MYLK: variants seen among roughly 807,000 people sequenced by gnomAD.
MYLK encodes myosin light chain kinase, smooth muscle.
In MYLK, 106 loss-of-function variants were observed where a neutral mutation model predicts 203.4. That is an observed-to-expected ratio of 0.52 (90% confidence interval 0.45 to 0.61). MYLK has a LOEUF of 0.61. Ranked by LOEUF, MYLK falls within the 20% of genes least tolerant of loss-of-function variation. The pLI, the probability that MYLK is intolerant of heterozygous loss-of-function variation, is 0.00. For synonymous variants in MYLK, 867 were observed against 959.5 expected, an observed-to-expected ratio of 0.90 and a Z score of 1.78; for missense variants, 2,072 against 2,442.3, an observed-to-expected ratio of 0.85 and a Z score of 3.20.
At position 123,640,938 on chromosome 3, in the gene MYLK, T is replaced by G. The variant is rs2058812391; in HGVS notation, c.4620-434A>C. Among the ~76,000 whole-genome samples the G allele has an allele frequency of 6.6e-6, 1 of 152,214 alleles. No homozygotes were observed. The highest frequency in any genetic ancestry group is 2.4e-5 in the African/African-American group (1 of 41,454). ...AAATACTCACAGTTCCCACAAGCAT[T>G]TGTTCTGCATAGCCAGGAACGGAAA... On this transcript the variant is annotated intron_variant, in intron 27 of 33. Coordinates refer to ENST00000360304, the MANE Select transcript of MYLK (RefSeq NM_053025.4). The surrounding 1 kb of genome is among the most constrained non-coding windows in gnomAD (Gnocchi z 4.3).
chr3:123,700,691 C>G lies in MYLK; in HGVS notation c.2777G>C (p.Arg926Pro). The G allele has an allele frequency of 1.9e-6, 3 of 1,614,154 alleles. No individual in the cohort carries two copies. The highest frequency in any genetic ancestry group is 1.7e-6 in the Non-Finnish European group (2 of 1,180,042). Residue 926 changes from arginine to proline, a missense_variant, in exon 18 of 34, where the codon CGT becomes CCT. This residue lies in a region of MYLK where 865 missense variants were observed against 1,016.0 expected (regional missense o/e 0.85). Coordinates refer to ENST00000360304, the MANE Select transcript of MYLK (RefSeq NM_053025.4). ...CTTCACTTGCCGCTGCAGGTTGGCA[C>G]GGAAATCCATCTGCTCGGCTGGGAT... Reference protein sequence around the residue: ...KEIPAEQMDFRANLQRQVKPK... With the variant: ...KEIPAEQMDFPANLQRQVKPK...
At chr3:123,731,935 A>G (rs1452080440) in intron 11 of MYLK, among the ~76,000 whole-genome samples, 2 of 151,164 alleles carry the variant, frequency 1.3e-5, no homozygotes, top group African/African-American at 4.9e-5. Context: ...ATCAAAAATT[A>G]TTGTAATTGT....
intron 2 of MYLK, among the ~76,000 whole-genome samples, chr3:123,833,762 A>G (rs2066405941): frequency 1.3e-5 from 2 of 152,156 alleles, no homozygotes. Context: ...TTCTAAGCTA[A>G]TTTTTCAACC....
chr3:123,684,188 C>T (rs886276394), intron 19 of MYLK, among the ~76,000 whole-genome samples: 6 of 152,182 alleles, frequency 3.9e-5, no homozygotes, highest in African/African-American at 7.2e-5. Flanking sequence ...GTTAGAAGCA[C>T]GTGTGCCAGG....
chr3:123,841,831 C>G (rs1254213319), intron 2 of MYLK, among the ~76,000 whole-genome samples: 1 of 152,096 alleles, frequency 6.6e-6, no homozygotes, highest in Non-Finnish European at 1.5e-5. Context: ...ACCCAAGGAG[C>G]TAATCAGAAA....
intron 3 of MYLK, among the ~76,000 whole-genome samples, chr3:123,813,806 C>T (rs1577050236): frequency 1.3e-5 from 2 of 152,098 alleles, no homozygotes; most frequent in Admixed American, 6.6e-5. Flanking sequence ...CCACCATGCC[C>T]GGACAATTCA....
intron 4 of MYLK, among the ~76,000 whole-genome samples, chr3:123,767,563 C>T (rs1483194375): frequency 4.6e-5 from 7 of 152,160 alleles, no homozygotes; most frequent in South Asian, 4.1e-4. Flanking sequence ...GCCAAGATTG[C>T]GCCACTGCAC....
chr3:123,817,389 C>G (rs2065784370), intron 3 of MYLK, among the ~76,000 whole-genome samples: 1 of 152,162 alleles, frequency 6.6e-6, no homozygotes, highest in Non-Finnish European at 1.5e-5. Flanking sequence ...CAGTTGCCAC[C>G]ACTCCTGTTT....
chr3:123,847,026 C>G (rs2030099384), intron 2 of MYLK, among the ~76,000 whole-genome samples: 1 of 151,806 alleles, frequency 6.6e-6, no homozygotes, highest in South Asian at 2.1e-4. Flanking sequence ...GGTTCTGCAC[C>G]CACGGCTTCA....
At chr3:123,851,158 C>A (rs1192227333) in intron 2 of MYLK, among the ~76,000 whole-genome samples, 1 of 151,968 alleles carries the variant, frequency 6.6e-6, no homozygotes, top group Non-Finnish European at 1.5e-5. Context: ...CCTTGTAGTA[C>A]AGTTTGAAGT....
chr3:123,708,449 T>G (rs1228402665), intron 15 of MYLK, among the ~76,000 whole-genome samples: 1 of 152,184 alleles, frequency 6.6e-6, no homozygotes, highest in Admixed American at 6.5e-5. Flanking sequence ...CTCTTAGTAC[T>G]CTATGCACCT....
intron 3 of MYLK, among the ~76,000 whole-genome samples, chr3:123,806,361 C>A (rs150398142): frequency 6.6e-6 from 1 of 152,222 alleles, no homozygotes; most frequent in Non-Finnish European, 1.5e-5. Flanking sequence ...AGAGAACAGG[C>A]CATGGTAATC....
chr3:123,732,147 A>C (rs1233388688), intron 11 of MYLK, among the ~76,000 whole-genome samples: 1 of 152,238 alleles, frequency 6.6e-6, no homozygotes, highest in African/African-American at 2.4e-5. Context: ...TGGGGCTTAC[A>C]TATGCATTTA....
Position 123,682,240 on chromosome 3 carries a change from G to C in MYLK, c.3636C>G (p.Pro1212=). Residue 1212 remains proline, a synonymous_variant, in exon 20 of 34, where the codon CCC becomes CCG. Transcript: ENST00000360304. ...AGTACTCACTCTCAGTTCCTAGCACGGGAGGAAGAGAGCTCTTGGGCCTCC... is the reference window on the plus strand; with the variant it reads ...AGTACTCACTCTCAGTTCCTAGCACCGGAGGAAGAGAGCTCTTGGGCCTCC... ...KSRRPKSSLP[P]VLGTESDATV... 4 of 1,601,756 alleles carry C rather than the reference G, an allele frequency of 2.5e-6. No homozygotes were observed. Among genetic ancestry groups the C allele is most frequent in the Non-Finnish European group, 3.4e-6 (4 of 1,174,366 alleles).
intron 12 of MYLK, among the ~76,000 whole-genome samples, chr3:123,725,011 C>T (rs191355538): frequency 1.5e-3 from 226 of 152,140 alleles, no homozygotes; most frequent in Non-Finnish European, 2.0e-3. Context: ...TCCCAAAGTG[C>T]GGATTACAGG....
chr3:123,648,074 G>C lies in MYLK; in HGVS notation c.4416-647C>G, dbSNP rs1213759566. ...CCTACTGCTGAGAGAGGGGAGAGTG[G>C]GGCTCCTCTGTGATGGCACTGACTT... On this transcript the variant is annotated intron_variant, in intron 26 of 33. Transcript: ENST00000360304. This position sits in a 1 kb window ranked among gnomAD's most constrained non-coding sequence, Gnocchi z 4.5. 6.6e-6 allele frequency among the ~76,000 whole-genome samples: 1 copy of C among 152,142 alleles called. No homozygotes were observed. Among genetic ancestry groups the C allele is most frequent in the African/African-American group, 2.4e-5 (1 of 41,414 alleles).
At chr3:123,658,839 A>G (rs1363110836) in intron 23 of MYLK, among the ~76,000 whole-genome samples, 1 of 152,104 alleles carries the variant, frequency 6.6e-6, no homozygotes, top group East Asian at 1.9e-4. Flanking sequence ...ATATACTCAT[A>G]CTCATATTCA....
chr3:123,631,631 A>G (rs984671876), intron 29 of MYLK, among the ~76,000 whole-genome samples: 5 of 152,200 alleles, frequency 3.3e-5, no homozygotes, highest in African/African-American at 1.2e-4. Flanking sequence ...TTTTGTAAAG[A>G]GAAGAAAGCT....
chr3:123,855,746 A>C (rs549906933), intron 2 of MYLK, among the ~76,000 whole-genome samples: 1 of 152,272 alleles, frequency 6.6e-6, no homozygotes, highest in Non-Finnish European at 1.5e-5. Flanking sequence ...GGTGCCCCAG[A>C]AGCATCATCA....
Sources: allele counts gnomAD v4.1 joint callset (sites outside exome capture counted in the v4.1 genomes callset), GRCh38; gene constraint gnomAD v4.1.1; regional missense constraint gnomAD v4.1.1; non-coding constraint Gnocchi (gnomAD v3.1); transcripts MANE v1.5; gene names NCBI Gene and HGNC (gene_info 2026-07-23, HGNC 2026-07-21).